PLOD2: variants seen among roughly 807,000 people sequenced by gnomAD.
PLOD2 encodes lysine hydroxylase 2.
PLOD2 carries 65 observed loss-of-function variants against 101.0 expected under a neutral mutation model. That is an observed-to-expected ratio of 0.64 (90% CI 0.53 to 0.79). The LOEUF (loss-of-function observed/expected upper bound fraction) is 0.79, where lower values mean the gene tolerates loss of function less well. Ranked by LOEUF, PLOD2 falls within the 30% of genes least tolerant of loss-of-function variation. PLOD2 has a pLI of 0.00. For missense variants in PLOD2, 909 were observed against 914.6 expected, an observed-to-expected ratio of 0.99 and a Z score of 0.08; for synonymous variants, 314 against 302.9, an observed-to-expected ratio of 1.04 and a Z score of -0.38.
intron 1 of PLOD2, among the ~76,000 whole-genome samples, chr3:146,154,899 C>CT (rs1476396545): frequency 6.6e-6 from 1 of 152,164 alleles, no homozygotes; most frequent in African/African-American, 2.4e-5. Flanking sequence ...CAAAAGTACA[C>CT]TTCCCTCTTT....
At chr3:146,115,942 G>T (rs966984306) in intron 3 of PLOD2, among the ~76,000 whole-genome samples, 1 of 152,136 alleles carries the variant, frequency 6.6e-6, no homozygotes, top group African/African-American at 2.4e-5. Flanking sequence ...ACAAGCCACA[G>T]AATCCATCAT....
Position 146,161,168 on chromosome 3 carries a change from T to C in PLOD2, c.-179A>G. 2.5e-6 allele frequency: 1 copy of C among 398,032 alleles called. No homozygotes were observed. The highest frequency in any genetic ancestry group is 4.4e-6 in the Non-Finnish European group (1 of 229,792). The allele number at this position is 398,032 out of a possible 1,614,324, so 24.7% of individuals were successfully genotyped here. Reference sequence around the variant, plus strand: ...TAACGCAGCTGAGTGAGGTCGTCGGTGGAGGCACGGAGCAGCAGGCGCCCG... The same window carrying C: ...TAACGCAGCTGAGTGAGGTCGTCGGCGGAGGCACGGAGCAGCAGGCGCCCG... On this transcript the variant is annotated 5_prime_UTR_variant, in exon 1 of 20. Coordinates refer to ENST00000282903, the MANE Select transcript of PLOD2 (RefSeq NM_182943.3).
intron 7 of PLOD2, among the ~76,000 whole-genome samples, chr3:146,092,484 A>G (rs1400672672): frequency 1.3e-5 from 2 of 152,100 alleles, no homozygotes; most frequent in Non-Finnish European, 2.9e-5. Flanking sequence ...TCAGGAAAAG[A>G]GAGCTTGCAG....
intron 11 of PLOD2, among the ~76,000 whole-genome samples, chr3:146,082,239 C>T (rs1219065485): frequency 3.9e-5 from 6 of 151,982 alleles, no homozygotes; most frequent in African/African-American, 1.4e-4. Flanking sequence ...TAAATGAAAC[C>T]AAATATTTTC....
At chr3:146,153,048 G>C (rs1258964093) in intron 1 of PLOD2, among the ~76,000 whole-genome samples, 2 of 152,174 alleles carry the variant, frequency 1.3e-5, no homozygotes, top group Non-Finnish European at 2.9e-5. Context: ...TCACCACTGT[G>C]GTGCCAGCTG....
intron 1 of PLOD2, among the ~76,000 whole-genome samples, chr3:146,130,388 CATAATCTCAAATTATGA>C (rs757149260): frequency 1.9e-4 from 29 of 152,140 alleles, no homozygotes; most frequent in Non-Finnish European, 2.1e-4. Flanking sequence ...TATTAATTTG[CATAATCTCAAATTATGA>C]ATAATCTCAA....
At chr3:146,159,816 T>C (rs1056773403) in intron 1 of PLOD2, among the ~76,000 whole-genome samples, 4 of 152,198 alleles carry the variant, frequency 2.6e-5, no homozygotes, top group Admixed American at 2.6e-4. Flanking sequence ...CACTGTTTTG[T>C]AGAAAGATAG....
chr3:146,111,491 T>A (rs987351322), intron 3 of PLOD2, among the ~76,000 whole-genome samples: 22 of 152,204 alleles, frequency 1.4e-4, no homozygotes, highest in African/African-American at 4.1e-4. Flanking sequence ...AGTTATAATT[T>A]AAAAAAATTA....
intron 14 of PLOD2, 68 bp downstream of exon 14, chr3:146,077,794 A>G (rs1235466239): frequency 1.2e-6 from 1 of 867,426 alleles, no homozygotes; most frequent in Non-Finnish European, 1.8e-6. Context: ...AAGAAACTTT[A>G]CTACTAGGCA....
rs182118620 is a variant in PLOD2 at position 146,133,124 on chromosome 3, G to C, written c.110-8895C>G. The stretch of plus-strand genomic sequence containing the variant: ...CCAGGAGGCGGAGCTTGCAGTGAGC[G>C]GAGATCACGCCACTGCATTCCGGCC... On this transcript the variant is annotated intron_variant, in intron 1 of 19. Coordinates refer to ENST00000282903, the MANE Select transcript of PLOD2 (RefSeq NM_182943.3). 2.6e-5 allele frequency among the ~76,000 whole-genome samples: 4 copies of C among 152,040 alleles called. No homozygotes were observed. The South Asian group carries it at 6.2e-4, about 24-fold the overall frequency.
intron 1 of PLOD2, among the ~76,000 whole-genome samples, chr3:146,150,015 G>A (rs1480052516): frequency 6.6e-6 from 1 of 152,074 alleles, no homozygotes; most frequent in East Asian, 1.9e-4. Flanking sequence ...CCATTCTAAA[G>A]ATGCAAACAC....
intron 1 of PLOD2, among the ~76,000 whole-genome samples, chr3:146,126,584 T>C (rs1465228872): frequency 6.6e-6 from 1 of 152,126 alleles, no homozygotes; most frequent in East Asian, 1.9e-4. Flanking sequence ...TGAGAAATTC[T>C]ATAGGACAAA....
At chr3:146,153,997 G>A (rs899345981) in intron 1 of PLOD2, among the ~76,000 whole-genome samples, 1 of 152,082 alleles carries the variant, frequency 6.6e-6, no homozygotes, top group Non-Finnish European at 1.5e-5. Context: ...ATGAGCAGAT[G>A]ATTAGTTAAT....
At chr3:146,114,672 A>G (rs1937815228) in intron 3 of PLOD2, among the ~76,000 whole-genome samples, 1 of 152,192 alleles carries the variant, frequency 6.6e-6, no homozygotes, top group South Asian at 2.1e-4. Context: ...CCAATCTGCA[A>G]AATTTGGTAC....
rs1439638676 is a variant in PLOD2 at position 146,161,094 on chromosome 3, G to T, written c.-105C>A. The T allele has an allele frequency of 4.5e-6, 3 of 664,388 alleles. No individual in the cohort carries two copies. The highest frequency in any genetic ancestry group is 1.9e-5 in the African/African-American group (1 of 51,964). 41.2% of individuals were successfully genotyped at this position (664,388 alleles called of 1,614,324 possible). A position where few individuals can be genotyped will look rare whatever the true frequency, so the allele number is the denominator to read the frequency against. On this transcript the variant is annotated 5_prime_UTR_variant, in exon 1 of 20. Coordinates refer to ENST00000282903, the MANE Select transcript of PLOD2 (RefSeq NM_182943.3). ...GGGTCCGCCCTGAGCCGCCGATTGC[G>T]GGCGGGAGCCGGCGGGCAAGGCGCG...
intron 1 of PLOD2, among the ~76,000 whole-genome samples, chr3:146,150,758 T>C (rs1343760300): frequency 6.6e-6 from 1 of 152,180 alleles, no homozygotes; most frequent in Non-Finnish European, 1.5e-5. Flanking sequence ...ACCAGCATAA[T>C]TGTTATTAAT....
intron 1 of PLOD2, among the ~76,000 whole-genome samples, chr3:146,132,827 T>C (rs1187629843): frequency 2.0e-5 from 3 of 152,190 alleles, no homozygotes; most frequent in African/African-American, 7.2e-5. Flanking sequence ...AAAATCAAAA[T>C]TTGTATATTT....
At chr3:146,143,713 A>T (rs945365921) in intron 1 of PLOD2, among the ~76,000 whole-genome samples, 1 of 152,140 alleles carries the variant, frequency 6.6e-6, no homozygotes, top group Non-Finnish European at 1.5e-5. Context: ...CTAAAGGGGA[A>T]AATGGGGCTG....
intron 1 of PLOD2, among the ~76,000 whole-genome samples, chr3:146,133,566 T>C (rs1479648578): frequency 6.6e-6 from 1 of 152,044 alleles, no homozygotes; most frequent in East Asian, 1.9e-4. Flanking sequence ...GATAAGCAGT[T>C]AAAAAAGGTG....
Sources: allele counts gnomAD v4.1 joint callset (sites outside exome capture counted in the v4.1 genomes callset), GRCh38; gene constraint gnomAD v4.1.1; transcripts MANE v1.5; gene names NCBI Gene and HGNC (gene_info 2026-07-23, HGNC 2026-07-21).